Variants in FKBP9 observed in about 807,000 individuals in gnomAD.
The protein encoded by FKBP9 is peptidyl-prolyl cis-trans isomerase FKBP9.
Under a neutral mutation model 55.6 loss-of-function variants are expected in FKBP9, and 27 were observed. The ratio of observed to expected loss-of-function variants is 0.49; its 90% confidence interval spans 0.36 to 0.67. The LOEUF is 0.67. Among genes scored for constraint, FKBP9 ranks in the 30% least tolerant of loss-of-function variants. The pLI is 0.00. For synonymous variants in FKBP9, 267 were observed against 296.5 expected (o/e 0.90, Z 1.02); for missense variants, 539 against 742.8 (o/e 0.73, Z 3.19).
chr7:32,964,813 CA>C (rs1400497408), intron 1 of FKBP9, among the ~76,000 whole-genome samples: 1 of 152,148 alleles, frequency 6.6e-6, no homozygotes. Context: ...AGGTGTTAGG[CA>C]GAAAAGCCAA....
Position 32,957,749 on chromosome 7 carries a change from A to G in FKBP9, c.176A>G (p.Tyr59Cys). 1.6e-5 allele frequency: 24 copies of G among 1,511,820 alleles called. No homozygotes were observed. Among genetic ancestry groups the G allele is most frequent in the Non-Finnish European group, 2.0e-5 (23 of 1,133,848 alleles). The allele number at this position is 1,511,820 out of a possible 1,614,324, so 93.7% of individuals were successfully genotyped here. A position where few individuals can be genotyped will look rare whatever the true frequency, so the allele number is the denominator to read the frequency against. The change falls in exon 1 of 10, where the codon TAC becomes TGC. Residue 59 changes from tyrosine (Y) to cysteine (C), a missense_variant. Transcript: ENST00000242209. Reference sequence around the variant, plus strand: ...GTGCGCAGCGGCGACTTCGTGCGCTACCACTACGTGGGGACGTTCCCCGAC... The same window carrying G: ...GTGCGCAGCGGCGACTTCGTGCGCTGCCACTACGTGGGGACGTTCCCCGAC... The part of the protein sequence containing the change: ...RTVRSGDFVR[Y>C]HYVGTFPDGQ...
intron 1 of FKBP9, among the ~76,000 whole-genome samples, chr7:32,962,021 CA>C (rs1562561412): frequency 6.6e-6 from 1 of 152,010 alleles, no homozygotes; most frequent in East Asian, 1.9e-4. Context: ...ACCATCCCCC[CA>C]CCCCGGTCAT....
chr7:32,982,846 T>C (rs1351299357), intron 5 of FKBP9, among the ~76,000 whole-genome samples: 1 of 152,266 alleles, frequency 6.6e-6, no homozygotes, highest in East Asian at 1.9e-4. Flanking sequence ...AGGTAATCAA[T>C]CCTTGTTGTT....
chr7:32,969,169 A>G (rs975297194), intron 1 of FKBP9, among the ~76,000 whole-genome samples: 4 of 151,848 alleles, frequency 2.6e-5, no homozygotes, highest in Admixed American at 1.3e-4. Context: ...AGGTTTGCAA[A>G]CATTTTCTCC....
At chr7:32,997,517 G>A (rs920196586) in intron 7 of FKBP9, among the ~76,000 whole-genome samples, 3 of 152,134 alleles carry the variant, frequency 2.0e-5, no homozygotes, top group Non-Finnish European at 2.9e-5. Flanking sequence ...ATGCCCAGCC[G>A]AACTGCTTTC....
At chr7:32,973,682 GTTT>G (rs745717239) in intron 1 of FKBP9, among the ~76,000 whole-genome samples, 94 of 64,986 alleles carry the variant, frequency 1.4e-3, no homozygotes, top group Middle Eastern at 0.026. Context: ...GTTTTTTGTT[GTTT>G]TTTTTTTTTT....
rs1019926849 is a variant in FKBP9 at position 32,992,289 on chromosome 7, C to G, written c.1039+3637C>G. 9.6e-5 allele frequency among the ~76,000 whole-genome samples: 4 copies of G among 41,746 alleles called. No homozygotes were observed. In the Admixed American group the frequency reaches 1.4e-3, roughly 15 times the overall value. The allele number at this position is 41,746 out of a possible 152,430, so 27.4% of individuals were successfully genotyped here. A position where few individuals can be genotyped will look rare whatever the true frequency, so the allele number is the denominator to read the frequency against. ...AGGAAACCCACCCCCTCAGAGGAAA[C>G]CCACCCCCCTCAGAGGAAACTGACT... On this transcript the variant is annotated intron_variant, in intron 6 of 9. Transcript: ENST00000242209.
chr7:32,988,563 G>A lies in FKBP9; in HGVS notation c.950G>A (p.Gly317Glu). The A allele has an allele frequency of 6.2e-7, 1 of 1,613,878 alleles. No individual in the cohort carries two copies. ...TYIGQGYVIP[G>E]MDEGLLGVCI... is the part of the protein sequence containing the mutation. ...ATTGGGCAGGGCTACGTGATTCCTGGGATGGATGAAGGTCTACTTGGTGTT... is the reference window on the plus strand; with the variant it reads ...ATTGGGCAGGGCTACGTGATTCCTGAGATGGATGAAGGTCTACTTGGTGTT... Residue 317 changes from glycine (G) to glutamate (E), a missense_variant, in exon 6 of 10, where the codon GGG becomes GAG. Physicochemically the swap from Gly to Glu is moderately conservative, Grantham distance 98. Around this residue, in one of 4 missense-constraint regions of FKBP9, gnomAD observed 172 missense variants for 205.3 expected, o/e 0.84. Transcript: ENST00000242209.
intron 1 of FKBP9, among the ~76,000 whole-genome samples, chr7:32,970,050 A>G (rs1201349914): frequency 6.7e-6 from 1 of 148,462 alleles, no homozygotes; most frequent in Admixed American, 6.7e-5. Flanking sequence ...TTTTTTTTCT[A>G]TTTCTGCAAA....
At chr7:32,960,973 C>A (rs570091604) in intron 1 of FKBP9, among the ~76,000 whole-genome samples, 1 of 152,208 alleles carries the variant, frequency 6.6e-6, no homozygotes, top group African/African-American at 2.4e-5. Flanking sequence ...AACTGAGGCT[C>A]AGAAAGTTCA....
At chr7:32,969,606 T>C (rs1784215186) in intron 1 of FKBP9, among the ~76,000 whole-genome samples, 1 of 152,162 alleles carries the variant, frequency 6.6e-6, no homozygotes, top group African/African-American at 2.4e-5. Context: ...AGTACCATGC[T>C]GCCTTGATTA....
intron 6 of FKBP9, among the ~76,000 whole-genome samples, chr7:32,992,062 C>T (rs1187525449): frequency 1.3e-5 from 2 of 152,070 alleles, no homozygotes; most frequent in African/African-American, 2.4e-5. Flanking sequence ...GAATTGGACC[C>T]AGGGCTCTCT....
In FKBP9 at chr7:33,002,699, G is replaced by A. The variant is rs764458754; in HGVS notation, c.1396G>A (p.Val466Ile). The A allele has an allele frequency of 8.1e-6, 13 of 1,613,960 alleles. No homozygotes were observed. In the East Asian group the frequency reaches 8.9e-5, roughly 11 times the overall value. Residue 466 changes from valine to isoleucine, a missense_variant, in exon 9 of 10, where the codon GTA (valine) becomes ATA (isoleucine). By Grantham distance (29) the Val-to-Ile change is conservative. Coordinates refer to ENST00000242209, the MANE Select transcript of FKBP9 (RefSeq NM_007270.5). ...GVDGEVPGSAVLVFDIELLEL... is the reference protein window; with the variant it reads ...GVDGEVPGSAILVFDIELLEL... ...AGATGGAGAAGTGCCCGGCAGTGCCGTATTAGTGTTTGACATTGAGCTGCT... is the reference window on the plus strand; with the variant it reads ...AGATGGAGAAGTGCCCGGCAGTGCCATATTAGTGTTTGACATTGAGCTGCT...
intron 4 of FKBP9, among the ~76,000 whole-genome samples, chr7:32,977,850 C>CAT (rs71559287): frequency 0.053 from 6,938 of 131,810 alleles, 256 homozygotes; most frequent in Middle Eastern, 0.099. Context: ...TATATACACT[C>CAT]ATATATATAT....
At chr7:32,996,453 C>A in intron 7 of FKBP9, 104 bp downstream of exon 7, 1 of 685,508 alleles carries the variant, frequency 1.5e-6, no homozygotes, top group African/African-American at 1.8e-5. Flanking sequence ...GCTTTTATCT[C>A]CATGCTGCCC....
At chr7:33,003,668 T>G (rs1288013615) in intron 9 of FKBP9, among the ~76,000 whole-genome samples, 1 of 152,154 alleles carries the variant, frequency 6.6e-6, no homozygotes, top group East Asian at 1.9e-4. Flanking sequence ...TCAACACAGC[T>G]GATTCCCCTA....
Position 33,005,846 on chromosome 7 carries a change from G to T in FKBP9, c.*495G>T, listed in dbSNP as rs1785028287. On this transcript the variant is annotated 3_prime_UTR_variant, in exon 10 of 10. Coordinates refer to ENST00000242209, the MANE Select transcript of FKBP9 (RefSeq NM_007270.5). Reference sequence around the variant, plus strand: ...AGCAGAGTTCCCAGCAGACAGCCATGGCTCTTCCCAGCAGCCTGTGCAAAT... The same window carrying T: ...AGCAGAGTTCCCAGCAGACAGCCATTGCTCTTCCCAGCAGCCTGTGCAAAT... 3 of 233,534 alleles carry T rather than the reference G, an allele frequency of 1.3e-5. No homozygotes were observed. Among genetic ancestry groups the T allele is most frequent in the Non-Finnish European group, 1.7e-5 (2 of 118,428 alleles). The allele number at this position is 233,534 out of a possible 1,614,324, so 14.5% of individuals were successfully genotyped here. A position where few individuals can be genotyped will look rare whatever the true frequency, so the allele number is the denominator to read the frequency against.
At chr7:32,984,240 TC>T (rs1784535164) in intron 5 of FKBP9, among the ~76,000 whole-genome samples, 1 of 152,034 alleles carries the variant, frequency 6.6e-6, no homozygotes. Flanking sequence ...AGTAATATGT[TC>T]TTTTTTTTTT....
chr7:32,988,817 C>T (rs1269246675), intron 6 of FKBP9, 165 bp downstream of exon 6: 1 of 661,010 alleles, frequency 1.5e-6, no homozygotes, highest in Non-Finnish European at 2.5e-6. Flanking sequence ...TGGCCTGGAA[C>T]TCTTGGCCTC....
Sources: allele counts gnomAD v4.1 joint callset (sites outside exome capture counted in the v4.1 genomes callset), GRCh38; gene constraint gnomAD v4.1.1; regional missense constraint gnomAD v4.1.1; transcripts MANE v1.5; gene names NCBI Gene and HGNC (gene_info 2026-07-23, HGNC 2026-07-21).